Variants in ESCO2 observed in about 807,000 individuals in gnomAD.
ESCO2 encodes the protein N-acetyltransferase ESCO2.
Under a neutral mutation model 61.7 loss-of-function variants are expected in ESCO2, and 51 were observed. The ratio of observed to expected loss-of-function variants is 0.83; its 90% confidence interval spans 0.66 to 1.04. The LOEUF (loss-of-function observed/expected upper bound fraction) is 1.04. ESCO2 is among the 50% of genes least tolerant of loss of function. ESCO2 has a pLI of 0.00. For synonymous variants in ESCO2, 230 were observed against 238.2 expected, an observed-to-expected ratio of 0.97 and a Z score of 0.32; for missense variants, 692 against 686.2, an observed-to-expected ratio of 1.01 and a Z score of -0.09.
rs1805108541 is a variant in ESCO2, at chr8:27,788,834, C to A, written c.1132-13C>A. The A allele has an allele frequency of 3.1e-6, 5 of 1,613,292 alleles. No homozygotes were observed. The East Asian group carries it at 1.1e-4, about 36-fold the overall frequency. On this transcript the variant is annotated splice_polypyrimidine_tract_variant and intron_variant, in intron 6 of 10. Transcript: ENST00000305188. ...TATTTAAATGGGTTTCTTTTTTTACCCCCCAATTATAGGACGCTGGTCAGA... is the reference window on the plus strand; with the variant it reads ...TATTTAAATGGGTTTCTTTTTTTACACCCCAATTATAGGACGCTGGTCAGA...
downstream of ESCO2, among the ~76,000 whole-genome samples, chr8:27,815,838 C>G (rs931366398): frequency 2.0e-5 from 3 of 152,134 alleles, no homozygotes; most frequent in Non-Finnish European, 2.9e-5. Context: ...GGATTGGGCC[C>G]CCTGCCACCT....
chr8:27,809,019 T>C (rs1805618315), downstream of ESCO2, among the ~76,000 whole-genome samples: 1 of 152,116 alleles, frequency 6.6e-6, no homozygotes, highest in South Asian at 2.1e-4. Flanking sequence ...TGAAAAGCAA[T>C]GGCTTATGTA....
Position 27,804,414 on chromosome 8 carries a change from C to T in ESCO2, c.*976C>T. ...TTGTTTAAAATGCACCTTACTTGTTCTGAGATACCTGGCAAAAGTCTTTAC... is the reference window on the plus strand; with the variant it reads ...TTGTTTAAAATGCACCTTACTTGTTTTGAGATACCTGGCAAAAGTCTTTAC... On this transcript the variant is annotated 3_prime_UTR_variant, in exon 11 of 11. Transcript: ENST00000305188. The T allele has an allele frequency of 1.0e-6, 1 of 985,302 alleles. No homozygotes were observed. The highest frequency in any genetic ancestry group is 1.2e-6 in the Non-Finnish European group (1 of 829,902). The allele number at this position is 985,302 out of a possible 1,614,324, so 61.0% of individuals were successfully genotyped here.
downstream of ESCO2, among the ~76,000 whole-genome samples, chr8:27,813,198 C>G: frequency 6.6e-6 from 1 of 152,172 alleles, no homozygotes; most frequent in Non-Finnish European, 1.5e-5. Context: ...AACCATCATT[C>G]TCAGCAAACT....
chr8:27,800,130 A>G (rs1194637721), intron 10 of ESCO2, among the ~76,000 whole-genome samples: 22 of 152,236 alleles, frequency 1.4e-4, no homozygotes, highest in Non-Finnish European at 2.9e-5. Context: ...GAAGCTGTAC[A>G]TGGTCATTGA....
At position 27,787,912 on chromosome 8, in the gene ESCO2, G is replaced by A. The variant is rs777703908; in HGVS notation, c.1041G>A (p.Val347=). ...CTTTAGGTGAAGAACAGTTTTCTGT[G>A]GGATCTGTCAACTTCATGAAACAGA... The part of the protein sequence containing the change: ...KRSLGEEQFS[V]GSVNFMKQTN... Residue 347 remains valine (V), a synonymous_variant, in exon 6 of 11, where the codon GTG becomes GTA. Coordinates refer to ENST00000305188, the MANE Select transcript of ESCO2 (RefSeq NM_001017420.3). 58 of 1,613,330 alleles carry A rather than the reference G, an allele frequency of 3.6e-5. No individual in the cohort carries two copies. Among genetic ancestry groups the A allele is most frequent in the Non-Finnish European group, 4.7e-5 (55 of 1,179,676 alleles).
At chr8:27,781,908 TAACTA>T (rs1359900561) in intron 4 of ESCO2, among the ~76,000 whole-genome samples, 1 of 152,212 alleles carries the variant, frequency 6.6e-6, no homozygotes, top group African/African-American at 2.4e-5. Context: ...ATATTACTGT[TAACTA>T]AACTCTAAAC....
intron 3 of ESCO2, chr8:27,778,401 T>G (rs1043341794): frequency 2.0e-5 from 3 of 152,206 alleles, no homozygotes; most frequent in African/African-American, 7.2e-5. Context: ...GCCATGACAG[T>G]CTAATTTTAC....
Position 27,803,405 on chromosome 8 carries a change from CCCT to C in ESCO2, c.1774_1776del (p.Pro592del), listed in dbSNP as rs2128959155. 3 of 1,613,382 alleles carry C rather than the reference CCCT, an allele frequency of 1.9e-6. No individual in the cohort carries two copies. Among genetic ancestry groups the C allele is most frequent in the Non-Finnish European group, 2.5e-6 (3 of 1,179,492 alleles). ...TATTTGCAACCAAGTACTGCAACAC[CCCT>C]AATTTCCTCGTATATAATTTTAATA... On this transcript the variant is annotated inframe_deletion, in exon 11 of 11. Transcript: ENST00000305188.
At chr8:27,815,610 G>A (rs1368373651), downstream of ESCO2, among the ~76,000 whole-genome samples, 1 of 152,044 alleles carries the variant, frequency 6.6e-6, no homozygotes, top group Non-Finnish European at 1.5e-5. Flanking sequence ...GTATATACAC[G>A]TATATGTGTG....
At chr8:27,780,152 T>G in intron 3 of ESCO2, 22 bp from the exon 4 acceptor site, 1 of 1,460,808 alleles carries the variant, frequency 6.8e-7, no homozygotes, top group Non-Finnish European at 9.6e-7. Context: ...ATGTTTGGTT[T>G]TTTTTTTAAA....
chr8:27,816,806 T>C (rs578095752), downstream of ESCO2, among the ~76,000 whole-genome samples: 2 of 152,306 alleles, frequency 1.3e-5, no homozygotes, highest in East Asian at 3.9e-4. Flanking sequence ...ATACTCTGTT[T>C]ATCTCACTGG....
downstream of ESCO2, among the ~76,000 whole-genome samples, chr8:27,815,029 G>T (rs1351202736): frequency 6.6e-6 from 1 of 152,138 alleles, no homozygotes; most frequent in Admixed American, 6.5e-5. Context: ...TCACAAATAA[G>T]GTTAGAGTGA....
Position 27,780,284 on chromosome 8 carries a change from A to G in ESCO2, c.955+17A>G. The G allele has an allele frequency of 6.8e-7, 1 of 1,466,786 alleles. No individual in the cohort carries two copies. The highest frequency in any genetic ancestry group is 9.6e-7 in the Non-Finnish European group (1 of 1,046,208). 90.9% of individuals were successfully genotyped at this position (1,466,786 alleles called of 1,614,324 possible). On this transcript the variant is annotated intron_variant, in intron 4 of 10. Coordinates refer to ENST00000305188, the MANE Select transcript of ESCO2 (RefSeq NM_001017420.3). Reference sequence around the variant, plus strand: ...ATAAGACAAGTAAGAGAAAACTCGCATGAATTTAGCTGCTTAAAATAATGC... The same window carrying G: ...ATAAGACAAGTAAGAGAAAACTCGCGTGAATTTAGCTGCTTAAAATAATGC...
chr8:27,812,640 A>ACC (rs1563487609), downstream of ESCO2: 1 of 144,960 alleles, frequency 6.9e-6, no homozygotes, highest in Non-Finnish European at 1.5e-5. Flanking sequence ...AAAAAAAAAA[A>ACC]ACATCAAAAA....
At chr8:27,808,507 C>G (rs35359060), downstream of ESCO2, among the ~76,000 whole-genome samples, 2 of 146,930 alleles carry the variant, frequency 1.4e-5, no homozygotes, top group Non-Finnish European at 3.0e-5. Context: ...AACCCTGTCT[C>G]TACAAAAAAT....
At chr8:27,780,431 T>C (rs1048504821) in intron 4 of ESCO2, among the ~76,000 whole-genome samples, 164 bp downstream of exon 4, 2 of 152,236 alleles carry the variant, frequency 1.3e-5, no homozygotes, top group African/African-American at 4.8e-5. Flanking sequence ...AGTAAAGCAG[T>C]GCATTGCGTT....
In ESCO2 at chr8:27,792,766, T is replaced by A. The variant is rs752376704; in HGVS notation, c.1452T>A (p.Asp484Glu). The change falls in exon 9 of 11, where the codon GAT (aspartate) becomes GAA (glutamate). Residue 484 changes from aspartate (D) to glutamate (E), a missense_variant. Coordinates refer to ENST00000305188, the MANE Select transcript of ESCO2 (RefSeq NM_001017420.3). ...TAAAAACTTTTCTTTTTATATCTGA[T>A]GAAAAGAGAGTAGTTGGGTGTTTAA... ...NKIKTFLFIS[D>E]EKRVVGCLIA... The A allele has an allele frequency of 2.0e-5, 33 of 1,610,390 alleles. No homozygotes were observed. Among genetic ancestry groups the A allele is most frequent in the Non-Finnish European group, 2.7e-5 (32 of 1,178,960 alleles).
upstream of ESCO2, chr8:27,772,128 T>G: frequency 7.9e-6 from 2 of 252,526 alleles, no homozygotes; most frequent in Non-Finnish European, 1.5e-5. Context: ...TCACAGGGGA[T>G]AATTACAAGG....
Sources: gnomAD v4.1 joint callset for allele counts (sites outside exome capture counted in the v4.1 genomes callset) on GRCh38, gnomAD v4.1.1 for gene constraint, MANE v1.5 for transcripts, NCBI Gene and HGNC (gene_info 2026-07-23, HGNC 2026-07-21) for gene names.